UBE3C: variants seen among roughly 807,000 people sequenced by gnomAD.
The protein encoded by UBE3C is ubiquitin protein ligase E3C, also known as ubiquitin-protein ligase E3C.
In UBE3C, 42 loss-of-function variants were observed where a neutral mutation model predicts 129.4. The observed-to-expected ratio is 0.32, with a 90% CI of 0.25 to 0.42. UBE3C has a LOEUF of 0.42. Ranked by LOEUF, UBE3C falls within the 10% of genes least tolerant of loss-of-function variation. UBE3C has a pLI of 1.00. For synonymous variants in UBE3C, 510 were observed against 492.4 expected (o/e 1.04, Z -0.47); for missense variants, 1,049 against 1,319.1 (o/e 0.80, Z 3.17).
chr7:157,139,438 AGACTTGGGGCTGG>A (rs1380738947), intron 1 of UBE3C, 100 bp downstream of exon 1: 32 of 292,762 alleles, frequency 1.1e-4, no homozygotes, highest in South Asian at 7.0e-4. Context: ...CTCGGGGCCG[AGACTTGGGGCTGG>A]ATTCGGGGCC....
intron 9 of UBE3C, among the ~76,000 whole-genome samples, chr7:157,184,528 A>G (rs1808755914): frequency 1.3e-5 from 2 of 152,210 alleles, no homozygotes; most frequent in African/African-American, 4.8e-5. Context: ...ATATACATGC[A>G]TACATAATTT....
At chr7:157,189,694 C>T (rs776400963) in intron 10 of UBE3C, among the ~76,000 whole-genome samples, 1 of 152,172 alleles carries the variant, frequency 6.6e-6, no homozygotes, top group Non-Finnish European at 1.5e-5. Context: ...TTCATAGATA[C>T]CATATTCATG....
At chr7:157,163,321 AG>A (rs1346956438) in intron 1 of UBE3C, among the ~76,000 whole-genome samples, 3 of 148,866 alleles carry the variant, frequency 2.0e-5, no homozygotes, top group African/African-American at 7.5e-5. Context: ...CGGGAGGCGG[AG>A]CTTGCAGTGA....
chr7:157,183,580 C>G (rs1250269881), intron 8 of UBE3C, among the ~76,000 whole-genome samples: 4 of 152,058 alleles, frequency 2.6e-5, no homozygotes, highest in Non-Finnish European at 4.4e-5. Context: ...GGTGAAAAGC[C>G]CCATTCTGAG....
intron 16 of UBE3C, among the ~76,000 whole-genome samples, chr7:157,225,111 T>C (rs1795841557): frequency 6.6e-6 from 1 of 152,124 alleles, no homozygotes; most frequent in Admixed American, 6.5e-5. Flanking sequence ...CACAAGATTC[T>C]CGTGCCTCAG....
chr7:157,154,347 T>C (rs1160394832), intron 1 of UBE3C, among the ~76,000 whole-genome samples: 1 of 152,010 alleles, frequency 6.6e-6, no homozygotes, highest in Non-Finnish European at 1.5e-5. Context: ...TCAGACCTTC[T>C]AAAGAGTATC....
At position 157,152,179 on chromosome 7, in the gene UBE3C, GGCTGGGAGGAAGGTAGTCAGGGACAGA is replaced by G. The variant is rs1396031946; in HGVS notation, c.67-11607_67-11581del. On this transcript the variant is annotated intron_variant, in intron 1 of 22. Transcript: ENST00000348165. ...AGGGTGTAGGGAAAGTGGAAGAGAA[GGCTGGGAGGAAGGTAGTCAGGGACAGA>G]GCTGGGAGGAAGGTAGTCAGGGAGA... 5.8e-3 allele frequency among the ~76,000 whole-genome samples: 885 copies of G among 151,800 alleles called. 9 individuals carry two copies. Among genetic ancestry groups the G allele is most frequent in the African/African-American group, 0.02 (811 of 41,372 alleles).
At chr7:157,174,876 A>C (rs775012941) in intron 4 of UBE3C, 43 bp from the exon 5 acceptor site, 1 of 1,477,584 alleles carries the variant, frequency 6.8e-7, no homozygotes, top group Non-Finnish European at 9.2e-7. Context: ...CAAACTATTA[A>C]ATTTTCATTG....
At chr7:157,262,477 T>A (rs117094664) in intron 22 of UBE3C, among the ~76,000 whole-genome samples, 4,649 of 125,904 alleles carry the variant, frequency 0.037, 118 homozygotes, top group Admixed American at 0.056. Context: ...TGGAGTACAA[T>A]GGCCCATCTC....
intron 13 of UBE3C, 59 bp from the exon 14 acceptor site, chr7:157,216,808 C>T (rs1227774541): frequency 2.2e-6 from 3 of 1,337,772 alleles, no homozygotes; most frequent in African/African-American, 2.9e-5. Flanking sequence ...ATGTATGGCT[C>T]ACTGTGCATT....
In UBE3C at chr7:157,267,759, T is replaced by TGA. The variant is rs774365547; in HGVS notation, c.*5_*6dup. On this transcript the variant is annotated 3_prime_UTR_variant, in exon 23 of 23. Transcript: ENST00000348165. ...CGCTGGCTTTGAGCTGAGCTGAAGC[T>TGA]GATGCTGGGGTCAGACCCCTACAGA... is the stretch of plus-strand genomic sequence containing the variant. 1 of 1,597,378 alleles carries TGA rather than the reference T, an allele frequency of 6.3e-7. No homozygotes were observed. The highest frequency in any genetic ancestry group is 8.5e-7 in the Non-Finnish European group (1 of 1,171,810).
chr7:157,201,776 A>G lies in UBE3C; in HGVS notation c.1387A>G (p.Ile463Val), dbSNP rs759826283. 10 of 1,611,230 alleles carry G rather than the reference A, an allele frequency of 6.2e-6. No individual in the cohort carries two copies. The South Asian group carries it at 1.1e-4, about 18-fold the overall frequency. Residue 463 changes from isoleucine to valine, a missense_variant, in exon 11 of 23, where the codon ATA becomes GTA. Physicochemically the swap from Ile to Val is conservative, Grantham distance 29 (BLOSUM62 3). Around this residue, in one of 4 missense-constraint regions of UBE3C, gnomAD observed 314 missense variants for 416.9 expected, o/e 0.75. Transcript: ENST00000348165. Reference protein sequence around the residue: ...ARFLRHLWFLISSMSTRMITG... With the variant: ...ARFLRHLWFLVSSMSTRMITG... ...GTTTCTGAGACATCTTTGGTTTCTA[A>G]TATCTTCCATGTCAACACGGATGAT...
At chr7:157,241,399 G>A (rs112803654) in intron 18 of UBE3C, among the ~76,000 whole-genome samples, 3,646 of 152,300 alleles carry the variant, frequency 0.024, 102 homozygotes, top group African/African-American at 0.063. Flanking sequence ...AAAAATGGGC[G>A]AAGGATCCAA....
intron 10 of UBE3C, among the ~76,000 whole-genome samples, chr7:157,189,703 T>C (rs1250506944): frequency 6.6e-6 from 1 of 152,224 alleles, no homozygotes; most frequent in Non-Finnish European, 1.5e-5. Context: ...ACCATATTCA[T>C]GTGATTTTTC....
intron 1 of UBE3C, among the ~76,000 whole-genome samples, chr7:157,152,765 T>C (rs550370736): frequency 6.6e-6 from 1 of 152,324 alleles, no homozygotes; most frequent in East Asian, 1.9e-4. Flanking sequence ...CACATCTTGC[T>C]TCTGTCTCCT....
At position 157,156,141 on chromosome 7, in the gene UBE3C, T is replaced by C. The variant is rs544751171; in HGVS notation, c.67-7669T>C. Among the ~76,000 whole-genome samples the C allele has an allele frequency of 2.0e-5, 3 of 152,260 alleles. No individual in the cohort carries two copies. The East Asian group carries it at 5.8e-4, about 29-fold the overall frequency. On this transcript the variant is annotated intron_variant, in intron 1 of 22. Transcript: ENST00000348165. ...TCAGTGGTGAACTTGTTCCTCATTATATTGAGCTGTTTTTAGAACTTGTTC... is the reference window on the plus strand; with the variant it reads ...TCAGTGGTGAACTTGTTCCTCATTACATTGAGCTGTTTTTAGAACTTGTTC...
At chr7:157,223,045 G>T in intron 15 of UBE3C, 2 of 497,176 alleles carry the variant, frequency 4.0e-6, no homozygotes, top group South Asian at 2.4e-5. Flanking sequence ...TTTAATATTC[G>T]ATCAAGTTAT....
intron 18 of UBE3C, among the ~76,000 whole-genome samples, chr7:157,243,577 G>C (rs1015579733): frequency 1.3e-5 from 2 of 152,316 alleles, no homozygotes; most frequent in Middle Eastern, 3.4e-3. Flanking sequence ...GCCCCTCCCA[G>C]GGAGCTTGGT....
At chr7:157,215,751 A>C (rs1232853746) in intron 13 of UBE3C, among the ~76,000 whole-genome samples, 2 of 151,996 alleles carry the variant, frequency 1.3e-5, no homozygotes, top group Non-Finnish European at 2.9e-5. Context: ...CTGGTTGTAG[A>C]CATTTAAAAT....
Sources: allele counts gnomAD v4.1 joint callset (sites outside exome capture counted in the v4.1 genomes callset), GRCh38; gene constraint gnomAD v4.1.1; regional missense constraint gnomAD v4.1.1; transcripts MANE v1.5; gene names NCBI Gene and HGNC (gene_info 2026-07-23, HGNC 2026-07-21).